The following TIAM1 variants were observed in gnomAD, a reference collection of about 807,000 sequenced individuals.
TIAM1 encodes TIAM Rac1 associated GEF 1, also known as rho guanine nucleotide exchange factor TIAM1.
In TIAM1, 65 loss-of-function variants were observed where a neutral mutation model predicts 163.5. The ratio of observed to expected loss-of-function variants is 0.40; its 90% CI spans 0.33 to 0.49. The LOEUF is 0.49. Among genes scored for constraint, TIAM1 ranks in the 20% least tolerant of loss-of-function variants. The pLI is 0.77. For missense variants in TIAM1, 1,789 were observed against 2,044.7 expected, an observed-to-expected ratio of 0.87 and a Z score of 2.41; for synonymous variants, 833 against 810.1, an observed-to-expected ratio of 1.03 and a Z score of -0.48.
chr21:31,148,869 T>C (rs1424844194), intron 19 of TIAM1, among the ~76,000 whole-genome samples: 2 of 152,224 alleles, frequency 1.3e-5, no homozygotes, highest in Non-Finnish European at 2.9e-5. Flanking sequence ...CAAAACTTAT[T>C]TGACATCAGA....
chr21:31,417,337 A>G (rs1263952479), intron 2 of TIAM1, among the ~76,000 whole-genome samples: 1 of 152,170 alleles, frequency 6.6e-6, no homozygotes, highest in Non-Finnish European at 1.5e-5. Context: ...AGTAATTTAT[A>G]AACAAAAAGA....
intron 2 of TIAM1, among the ~76,000 whole-genome samples, chr21:31,455,807 G>A (rs2045076582): frequency 6.6e-6 from 1 of 152,142 alleles, no homozygotes; most frequent in South Asian, 2.1e-4. Flanking sequence ...ACAATAGCCT[G>A]CCATCCTCAA....
At chr21:31,413,133 T>C (rs76753522) in intron 2 of TIAM1, among the ~76,000 whole-genome samples, 144 of 152,200 alleles carry the variant, frequency 9.5e-4, no homozygotes, top group African/African-American at 3.4e-3. Flanking sequence ...ATATCGTAAT[T>C]CTCCTTTCTC....
At chr21:31,171,650 G>T (rs1006415994) in intron 15 of TIAM1, among the ~76,000 whole-genome samples, 5 of 152,178 alleles carry the variant, frequency 3.3e-5, no homozygotes, top group African/African-American at 1.2e-4. Flanking sequence ...CATTTGCAAA[G>T]ATGACAGTGA....
At chr21:31,226,097 T>C (rs2087955960) in intron 6 of TIAM1, 147 bp from the exon 7 acceptor site, 1 of 662,018 alleles carries the variant, frequency 1.5e-6, no homozygotes, top group African/African-American at 1.8e-5. Flanking sequence ...ACCTCCTCTT[T>C]CTTCAGGAAA....
At chr21:31,349,254 A>G (rs1001626395), upstream of TIAM1, among the ~76,000 whole-genome samples, 2 of 152,250 alleles carry the variant, frequency 1.3e-5, no homozygotes, top group African/African-American at 2.4e-5. Flanking sequence ...ACTCCTTGGT[A>G]GCCCACATTC....
intron 1 of TIAM1, among the ~76,000 whole-genome samples, chr21:31,528,533 G>A (rs551656048): frequency 2.7e-5 from 4 of 148,606 alleles, no homozygotes; most frequent in East Asian, 2.0e-4. Context: ...GGCAGGTCAC[G>A]GTGGCTCACA....
At chr21:31,376,363 T>C (rs1357780974) in intron 2 of TIAM1, among the ~76,000 whole-genome samples, 6 of 152,186 alleles carry the variant, frequency 3.9e-5, no homozygotes, top group Non-Finnish European at 5.9e-5. Flanking sequence ...CTGGGCTCAC[T>C]GTCTCGCACT....
chr21:31,507,070 T>A (rs896668368), intron 1 of TIAM1, among the ~76,000 whole-genome samples: 1 of 151,960 alleles, frequency 6.6e-6, no homozygotes, highest in African/African-American at 2.4e-5. Flanking sequence ...TATGCAAATA[T>A]CTCTCTAAGT....
At chr21:31,430,833 A>C (rs1569324953) in intron 2 of TIAM1, among the ~76,000 whole-genome samples, 1 of 152,178 alleles carries the variant, frequency 6.6e-6, no homozygotes, top group Non-Finnish European at 1.5e-5. Flanking sequence ...AATTTAAAAA[A>C]GCCTCTATTT....
intron 16 of TIAM1, among the ~76,000 whole-genome samples, chr21:31,156,884 C>T (rs528647240): frequency 1.3e-5 from 2 of 152,324 alleles, no homozygotes; most frequent in Admixed American, 6.5e-5. Flanking sequence ...ATTGGCACCT[C>T]GCTTTATACC....
At chr21:31,482,286 G>C (rs1438151829) in intron 1 of TIAM1, among the ~76,000 whole-genome samples, 1 of 151,850 alleles carries the variant, frequency 6.6e-6, no homozygotes, top group African/African-American at 2.4e-5. Flanking sequence ...CGAGTAGCTG[G>C]GATTACAGGC....
At chr21:31,229,526 C>T (rs1213353499) in intron 6 of TIAM1, among the ~76,000 whole-genome samples, 1 of 152,026 alleles carries the variant, frequency 6.6e-6, no homozygotes, top group Admixed American at 6.5e-5. Flanking sequence ...TTTCTTTGTC[C>T]TCCCAAGTGC....
intron 15 of TIAM1, among the ~76,000 whole-genome samples, chr21:31,180,095 G>A (rs957944796): frequency 5.3e-5 from 8 of 151,776 alleles, no homozygotes. Flanking sequence ...TAACAGAGGT[G>A]GTGTTTCACC....
At chr21:31,429,513 G>A (rs1287261798) in intron 2 of TIAM1, among the ~76,000 whole-genome samples, 1 of 152,148 alleles carries the variant, frequency 6.6e-6, no homozygotes, top group Non-Finnish European at 1.5e-5. Flanking sequence ...CCGGGGAGGC[G>A]GAGGGGTGTG....
intron 1 of TIAM1, among the ~76,000 whole-genome samples, chr21:31,533,091 T>A (rs2048021820): frequency 2.0e-5 from 3 of 152,082 alleles, no homozygotes. Context: ...GAGGCTGAGG[T>A]GGGCAGGTCA....
intron 1 of TIAM1, among the ~76,000 whole-genome samples, chr21:31,512,617 C>CTTTTTTTTTTTT (rs35338359): frequency 1.1e-4 from 14 of 121,752 alleles, no homozygotes; most frequent in East Asian, 2.2e-4. Flanking sequence ...TTTTTCTTTT[C>CTTTTTTTTTTTT]TTTTTTTTTT....
At chr21:31,510,455 G>A (rs554951344) in intron 1 of TIAM1, among the ~76,000 whole-genome samples, 26 of 152,270 alleles carry the variant, frequency 1.7e-4, no homozygotes, top group South Asian at 6.2e-4. Flanking sequence ...GCGTAATGAG[G>A]GTTCGGGATT....
At chr21:31,300,553 C>T (rs1264030991) in intron 2 of TIAM1, among the ~76,000 whole-genome samples, 2 of 152,282 alleles carry the variant, frequency 1.3e-5, no homozygotes, top group East Asian at 3.9e-4. Flanking sequence ...CAATGATAAA[C>T]GTCAAGGATA....
Sources: gnomAD v4.1 joint callset for allele counts (sites outside exome capture counted in the v4.1 genomes callset) on GRCh38, gnomAD v4.1.1 for gene constraint, MANE v1.5 for transcripts, NCBI Gene and HGNC (gene_info 2026-07-23, HGNC 2026-07-21) for gene names.